Variants in SEMA5A observed in about 807,000 individuals in gnomAD.
SEMA5A encodes the protein semaphorin 5A.
SEMA5A carries 55 observed loss-of-function variants against 135.5 expected under a neutral mutation model. That is an observed-to-expected ratio of 0.41 (90% confidence interval 0.33 to 0.51). The LOEUF is 0.51. Ranked by LOEUF, SEMA5A falls within the 20% of genes least tolerant of loss-of-function variation. SEMA5A has a pLI of 0.37. For synonymous variants in SEMA5A, 580 were observed against 546.5 expected, an observed-to-expected ratio of 1.06 and a Z score of -0.85; for missense variants, 1,290 against 1,419.9, an observed-to-expected ratio of 0.91 and a Z score of 1.47.
At chr5:9,153,451 C>T (rs1321681913) in intron 12 of SEMA5A, among the ~76,000 whole-genome samples, 8 of 152,122 alleles carry the variant, frequency 5.3e-5, no homozygotes, top group Non-Finnish European at 4.4e-5. Context: ...TGTGGTTGAT[C>T]GTGGATGTCC....
intron 1 of SEMA5A, among the ~76,000 whole-genome samples, chr5:9,497,621 T>A (rs1001172121): frequency 3.3e-5 from 5 of 152,192 alleles, no homozygotes; most frequent in Non-Finnish European, 7.3e-5. Context: ...ACGTCCCAGA[T>A]GGTGACAGTT....
In SEMA5A at chr5:9,119,088, C is replaced by T. The variant is rs1405647000; in HGVS notation, c.1835G>A (p.Gly612Glu). ...TSWSPCSTTC[G>E]IGFQVRQRSC... Reference sequence around the variant, plus strand: ...GCGCTGCCGCACCTGGAAGCCGATCCCACAGGTAGTGCTGCAGGGAGACCA... The same window carrying T: ...GCGCTGCCGCACCTGGAAGCCGATCTCACAGGTAGTGCTGCAGGGAGACCA... Residue 612 changes from glycine to glutamate, a missense_variant, in exon 15 of 23, where the codon GGG becomes GAG. Gly to Glu is a moderately conservative substitution (Grantham distance 98). Around this residue, in one of 3 missense-constraint regions of SEMA5A, gnomAD observed 1,029 missense variants for 1,086.6 expected, o/e 0.95. Transcript: ENST00000382496. The T allele has an allele frequency of 6.2e-7, 1 of 1,613,904 alleles. No individual in the cohort carries two copies.
intron 13 of SEMA5A, among the ~76,000 whole-genome samples, chr5:9,126,476 A>G (rs950619634): frequency 4.6e-5 from 7 of 151,894 alleles, no homozygotes; most frequent in South Asian, 4.2e-4. Flanking sequence ...TCACTTCTCT[A>G]TGAAGGTGTA....
intron 1 of SEMA5A, among the ~76,000 whole-genome samples, chr5:9,483,590 G>A (rs1579615557): frequency 6.6e-6 from 1 of 152,252 alleles, no homozygotes; most frequent in Middle Eastern, 3.4e-3. Context: ...ACATACAGAC[G>A]TGGAGTAAAC....
At chr5:9,425,026 C>T (rs1757595103) in intron 2 of SEMA5A, among the ~76,000 whole-genome samples, 1 of 152,178 alleles carries the variant, frequency 6.6e-6, no homozygotes, top group African/African-American at 2.4e-5. Flanking sequence ...AAAGGGTTCC[C>T]AATGCCCCTA....
At chr5:9,281,381 C>G in intron 5 of SEMA5A, among the ~76,000 whole-genome samples, 1 of 152,150 alleles carries the variant, frequency 6.6e-6, no homozygotes, top group East Asian at 1.9e-4. Context: ...GTTTTGCCCC[C>G]CCAGGGGACA....
intron 15 of SEMA5A, among the ~76,000 whole-genome samples, chr5:9,114,871 G>A (rs1160111006): frequency 1.3e-5 from 2 of 152,224 alleles, no homozygotes; most frequent in Admixed American, 6.5e-5. Context: ...TGTAGTGACT[G>A]TAAAACCTTT....
chr5:9,048,290 G>A (rs1156322313), intron 21 of SEMA5A, among the ~76,000 whole-genome samples: 2 of 152,202 alleles, frequency 1.3e-5, no homozygotes, highest in African/African-American at 2.4e-5. Context: ...CCCACTGGCT[G>A]AATTCCATGT....
At chr5:9,315,234 T>C (rs891495210) in intron 5 of SEMA5A, among the ~76,000 whole-genome samples, 2 of 152,180 alleles carry the variant, frequency 1.3e-5, no homozygotes, top group African/African-American at 4.8e-5. Context: ...TTTATTATAT[T>C]TGCCTCTGCA....
intron 5 of SEMA5A, among the ~76,000 whole-genome samples, chr5:9,253,884 A>G (rs1748925637): frequency 6.6e-6 from 1 of 152,206 alleles, no homozygotes; most frequent in East Asian, 1.9e-4. Context: ...TTGCCTTTAC[A>G]TGAATAACAA....
intron 1 of SEMA5A, among the ~76,000 whole-genome samples, chr5:9,536,537 C>T (rs142621256): frequency 1.3e-4 from 20 of 151,322 alleles, no homozygotes; most frequent in African/African-American, 4.1e-4. Context: ...CACTTGAACC[C>T]GGGAGGCAGA....
intron 12 of SEMA5A, among the ~76,000 whole-genome samples, chr5:9,153,683 G>C (rs1004691361): frequency 6.6e-6 from 1 of 152,018 alleles, no homozygotes; most frequent in African/African-American, 2.4e-5. Flanking sequence ...GGGGTTATCA[G>C]CATATGAGCT....
intron 2 of SEMA5A, among the ~76,000 whole-genome samples, chr5:9,424,796 C>T (rs1234571813): frequency 6.6e-6 from 1 of 152,148 alleles, no homozygotes; most frequent in Admixed American, 6.5e-5. Context: ...GACTCTACCT[C>T]TAAATATGTC....
At chr5:9,166,875 T>C (rs1743638506) in intron 11 of SEMA5A, among the ~76,000 whole-genome samples, 1 of 152,230 alleles carries the variant, frequency 6.6e-6, no homozygotes, top group Admixed American at 6.5e-5. Flanking sequence ...AGGAAATTAC[T>C]TGCCTTAGAT....
At chr5:9,328,568 C>A (rs528557958) in intron 4 of SEMA5A, among the ~76,000 whole-genome samples, 2 of 152,232 alleles carry the variant, frequency 1.3e-5, no homozygotes, top group South Asian at 4.1e-4. Context: ...CACTTGAGGT[C>A]AGGAGTTCGA....
At chr5:9,155,049 C>T (rs1013104800) in intron 11 of SEMA5A, among the ~76,000 whole-genome samples, 34 of 152,282 alleles carry the variant, frequency 2.2e-4, no homozygotes, top group African/African-American at 5.8e-4. Flanking sequence ...CCTCAAGGGA[C>T]GATCTTGGAT....
At chr5:9,199,028 A>G (rs1401757506) in intron 9 of SEMA5A, among the ~76,000 whole-genome samples, 1 of 152,220 alleles carries the variant, frequency 6.6e-6, no homozygotes, top group Non-Finnish European at 1.5e-5. Context: ...CAGAGAGTTT[A>G]CGCAGCCCAA....
rs139867313 is a variant in SEMA5A at position 9,193,852 on chromosome 5, G to A, written c.1068+3316C>T. 5.0e-3 allele frequency among the ~76,000 whole-genome samples: 756 copies of A among 152,238 alleles called. 6 individuals carry two copies. Among genetic ancestry groups the A allele is most frequent in the African/African-American group, 0.017 (705 of 41,530 alleles). On this transcript the variant is annotated intron_variant, in intron 10 of 22. Transcript: ENST00000382496. ...GTAGAGGTTCCAGTGAGCTGAGATC[G>A]TACCACTGTACACCAGCCTGGGCAA...
At chr5:9,483,671 G>T (rs537376361) in intron 1 of SEMA5A, among the ~76,000 whole-genome samples, 3 of 152,074 alleles carry the variant, frequency 2.0e-5, no homozygotes, top group African/African-American at 7.2e-5. Flanking sequence ...TTTCTTCTCT[G>T]GTTCCCCTTA....
Sources: gnomAD v4.1 joint callset for allele counts (sites outside exome capture counted in the v4.1 genomes callset) on GRCh38, gnomAD v4.1.1 for gene constraint, gnomAD v4.1.1 regional missense constraint, MANE v1.5 for transcripts, NCBI Gene and HGNC (gene_info 2026-07-23, HGNC 2026-07-21) for gene names.